Variants in PCDH15 observed in about 807,000 individuals in gnomAD.
PCDH15 encodes protocadherin related 15.
A neutral mutation model predicts 178.5 loss-of-function variants in PCDH15; 129 were observed. The ratio of observed to expected loss-of-function variants is 0.72; its 90% CI spans 0.63 to 0.84. The LOEUF is 0.84. PCDH15 is among the 40% of genes least tolerant of loss of function. The pLI is 0.00. For synonymous variants in PCDH15, 800 were observed against 732.0 expected (o/e 1.09, Z -1.50); for missense variants, 2,230 against 2,099.9 (o/e 1.06, Z -1.21).
intron 3 of PCDH15, among the ~76,000 whole-genome samples, chr10:54,490,260 C>T (rs1002841478): frequency 6.6e-6 from 1 of 151,964 alleles, no homozygotes; most frequent in Non-Finnish European, 1.5e-5. Context: ...ACCATCCTGG[C>T]TAACACGGTG....
intron 2 of PCDH15, among the ~76,000 whole-genome samples, chr10:54,911,807 G>A (rs1027169144): frequency 3.3e-5 from 5 of 152,108 alleles, no homozygotes; most frequent in South Asian, 2.1e-4. Context: ...ACCTTGTTAC[G>A]ATGTGCCTTG....
chr10:54,470,257 T>C (rs1244952026), intron 3 of PCDH15, among the ~76,000 whole-genome samples: 3 of 152,180 alleles, frequency 2.0e-5, no homozygotes, highest in Non-Finnish European at 1.5e-5. Context: ...GTTTCAGCCC[T>C]AGGTGACAGC....
intron 3 of PCDH15, among the ~76,000 whole-genome samples, chr10:54,418,119 G>A (rs1218700202): frequency 6.6e-6 from 1 of 152,098 alleles, no homozygotes; most frequent in Non-Finnish European, 1.5e-5. Flanking sequence ...TTCAAGAACT[G>A]TTTAAGATAA....
intron 1 of PCDH15, among the ~76,000 whole-genome samples, chr10:54,754,244 C>T (rs1042414590): frequency 3.9e-5 from 6 of 152,062 alleles, no homozygotes; most frequent in African/African-American, 1.5e-4. Context: ...ATTGCTAACA[C>T]TATAAAACTC....
At chr10:55,261,500 A>G (rs556336364) in intron 1 of PCDH15, among the ~76,000 whole-genome samples, 6 of 152,230 alleles carry the variant, frequency 3.9e-5, no homozygotes, top group African/African-American at 9.6e-5. Flanking sequence ...TGTTATACCA[A>G]TGTATTAGCA....
intron 3 of PCDH15, among the ~76,000 whole-genome samples, chr10:54,879,296 T>C (rs560651713): frequency 6.6e-6 from 1 of 152,048 alleles, no homozygotes. Flanking sequence ...TAATAATTCA[T>C]CATTTTCTCA....
chr10:54,383,414 T>G (rs1202978380), intron 3 of PCDH15, among the ~76,000 whole-genome samples: 1 of 152,144 alleles, frequency 6.6e-6, no homozygotes, highest in Non-Finnish European at 1.5e-5. Flanking sequence ...TCAAAAATGC[T>G]TATTAGTACT....
At chr10:55,011,264 G>A (rs965474284) in intron 2 of PCDH15, among the ~76,000 whole-genome samples, 1 of 152,030 alleles carries the variant, frequency 6.6e-6, no homozygotes, top group African/African-American at 2.4e-5. Flanking sequence ...ATATATAATT[G>A]AGATTTCAGA....
At chr10:53,939,481 T>G (rs2085859579) in intron 24 of PCDH15, among the ~76,000 whole-genome samples, 1 of 152,112 alleles carries the variant, frequency 6.6e-6, no homozygotes, top group African/African-American at 2.4e-5. Flanking sequence ...TCTGTTTATT[T>G]AAATAAATTT....
chr10:54,871,534 A>T (rs956982218), intron 3 of PCDH15, among the ~76,000 whole-genome samples: 1 of 152,092 alleles, frequency 6.6e-6, no homozygotes, highest in African/African-American at 2.4e-5. Flanking sequence ...TCTGCCTGAG[A>T]CTACATCTCT....
intron 2 of PCDH15, among the ~76,000 whole-genome samples, chr10:55,506,883 A>T (rs1840770753): frequency 6.6e-6 from 1 of 151,564 alleles, no homozygotes; most frequent in Non-Finnish European, 1.5e-5. Context: ...AAATTTTGCA[A>T]ACTATAATAA....
chr10:54,863,943 T>C (rs1157933289), intron 3 of PCDH15, among the ~76,000 whole-genome samples: 1 of 152,220 alleles, frequency 6.6e-6, no homozygotes, highest in Non-Finnish European at 1.5e-5. Flanking sequence ...TAATTGGACT[T>C]ATTCTGTTAA....
intron 2 of PCDH15, among the ~76,000 whole-genome samples, chr10:55,547,302 G>C (rs781644173): frequency 6.6e-6 from 1 of 152,088 alleles, no homozygotes. Flanking sequence ...GAGAGCATAC[G>C]ATAAACAATT....
intron 3 of PCDH15, among the ~76,000 whole-genome samples, chr10:54,439,536 T>C (rs2075662775): frequency 6.6e-6 from 1 of 152,082 alleles, no homozygotes; most frequent in Non-Finnish European, 1.5e-5. Flanking sequence ...ATTCTATTTA[T>C]AGGCAACTGT....
At chr10:55,422,517 G>A (rs1422661713) in intron 2 of PCDH15, among the ~76,000 whole-genome samples, 1 of 151,858 alleles carries the variant, frequency 6.6e-6, no homozygotes. Context: ...GATATAAATT[G>A]TAGGTTAAAT....
chr10:53,959,021 C>T (rs376785242), intron 23 of PCDH15, among the ~76,000 whole-genome samples: 1 of 144,536 alleles, frequency 6.9e-6, no homozygotes, highest in South Asian at 2.2e-4. Flanking sequence ...AATTTTCTGT[C>T]GTTTAAGCCA....
chr10:54,366,322 A>C (rs921479435), intron 5 of PCDH15, among the ~76,000 whole-genome samples: 1 of 152,140 alleles, frequency 6.6e-6, no homozygotes, highest in Non-Finnish European at 1.5e-5. Context: ...ATTTTTTTGG[A>C]AAAACATTTA....
chr10:54,645,499 T>A (rs1590797188), intron 2 of PCDH15, among the ~76,000 whole-genome samples: 2 of 151,838 alleles, frequency 1.3e-5, no homozygotes, highest in African/African-American at 2.4e-5. Flanking sequence ...TAGAGAAAAT[T>A]AAAAAAAATA....
In PCDH15 at chr10:54,056,443, A is replaced by C. The variant is rs534205178; in HGVS notation, c.2220+10314T>G. 2.6e-5 allele frequency among the ~76,000 whole-genome samples: 4 copies of C among 152,164 alleles called. No homozygotes were observed. In the South Asian group the frequency reaches 8.3e-4, roughly 31 times the overall value. Reference sequence around the variant, plus strand: ...CATGGCAGAAGGTGAATGAGGAGCAAAGTCACACCTTACATGATGGCAGGC... The same window carrying C: ...CATGGCAGAAGGTGAATGAGGAGCACAGTCACACCTTACATGATGGCAGGC... On this transcript the variant is annotated intron_variant, in intron 18 of 37. Coordinates refer to ENST00000644397, the MANE Select transcript of PCDH15 (RefSeq NM_001384140.1).
Sources: allele counts gnomAD v4.1 joint callset (sites outside exome capture counted in the v4.1 genomes callset), GRCh38; gene constraint gnomAD v4.1.1; transcripts MANE v1.5; gene names NCBI Gene and HGNC (gene_info 2026-07-23, HGNC 2026-07-21).